Variants in NBPF8 observed in about 807,000 individuals in gnomAD.
The protein encoded by NBPF8 is NBPF member 8.
upstream of NBPF8, chr1:120,433,695 T>G (rs1660975896): frequency 3.6e-5 from 8 of 219,706 alleles, no homozygotes; most frequent in South Asian, 7.3e-4. Context: ...TTCATAACAT[T>G]ACTTGTCGAT....
At chr1:120,435,753 C>T (rs1201418790), upstream of NBPF8, among the ~76,000 whole-genome samples, 3 of 151,458 alleles carry the variant, frequency 2.0e-5, no homozygotes, top group Non-Finnish European at 4.4e-5. Context: ...GTATTCCCAG[C>T]TACTTGGGAG....
intron 11 of NBPF8, among the ~76,000 whole-genome samples, chr1:120,449,856 G>A (rs186739947): frequency 9.2e-5 from 14 of 152,298 alleles, no homozygotes; most frequent in Admixed American, 7.8e-4. Context: ...GGTGATAGTA[G>A]CCAGTACCTG....
intron 23 of NBPF8, among the ~76,000 whole-genome samples, chr1:120,464,749 T>C (rs1661698011): frequency 1.4e-5 from 2 of 145,744 alleles, no homozygotes; most frequent in African/African-American, 5.1e-5. Flanking sequence ...ACTCTCTTCC[T>C]AGTCTCAGGC....
intron 1 of NBPF8, among the ~76,000 whole-genome samples, chr1:120,421,099 C>T (rs1296617666): frequency 1.3e-5 from 2 of 151,234 alleles, no homozygotes; most frequent in Non-Finnish European, 2.9e-5. Context: ...TTCTGGGATC[C>T]ACTGTCTCAT....
At chr1:120,435,726 C>T (rs1298119197), upstream of NBPF8, among the ~76,000 whole-genome samples, 7 of 151,658 alleles carry the variant, frequency 4.6e-5, no homozygotes, top group East Asian at 7.8e-4. Context: ...ATTAGCCAGG[C>T]GTGGTGGCGG....
chr1:120,465,942 C>T, intron 24 of NBPF8, 36 bp from the exon 23 acceptor site: 1 of 1,611,244 alleles, frequency 6.2e-7, no homozygotes, highest in Non-Finnish European at 8.5e-7. Flanking sequence ...GTCTGATTTT[C>T]CCTGGCTGCT....
At chr1:120,460,608 G>C (rs1445340017) in exon 18 of NBPF8, 153 of 1,412,708 alleles carry the variant, frequency 1.1e-4, no homozygotes, top group Non-Finnish European at 1.4e-4. Flanking sequence ...GGAGGACCAA[G>C]AGGCAACAGG....
Position 120,452,109 on chromosome 1 carries a change from C to T in NBPF8, n.2075-8C>T. On this transcript the variant is annotated splice_polypyrimidine_tract_variant and splice_region_variant and intron_variant and non_coding_transcript_variant, in intron 12 of 24. Transcript: ENST00000583271. The stretch of plus-strand genomic sequence containing the variant: ...CACTCTTAAATTTTCTCTACCGTCT[C>T]ACCTTAGGCAATATAAAGTCCTGGT... 7 of 1,560,890 alleles carry T rather than the reference C, an allele frequency of 4.5e-6. No homozygotes were observed. The highest frequency in any genetic ancestry group is 6.2e-6 in the Non-Finnish European group (7 of 1,135,254).
chr1:120,467,951 A>AGT (rs1363238437), downstream of NBPF8, among the ~76,000 whole-genome samples: 26,524 of 150,690 alleles, frequency 0.18, 3,217 homozygotes, highest in East Asian at 0.65. Context: ...TGAGTGTGAG[A>AGT]GTGTGTGTGT....
At chr1:120,451,808 C>G (rs1349346060) in intron 12 of NBPF8, among the ~76,000 whole-genome samples, 2 of 149,706 alleles carry the variant, frequency 1.3e-5, no homozygotes, top group Non-Finnish European at 3.0e-5. Flanking sequence ...TGGAATTGTC[C>G]ATGGCCAGAG....
At chr1:120,415,179 C>T (rs1186547600), upstream of NBPF8, among the ~76,000 whole-genome samples, 11 of 152,128 alleles carry the variant, frequency 7.2e-5, no homozygotes, top group Admixed American at 4.6e-4. Flanking sequence ...GCGGGACGGG[C>T]GACCTGTGGC....
chr1:120,455,183 G>T (rs1324730964), intron 15 of NBPF8, among the ~76,000 whole-genome samples: 1 of 151,852 alleles, frequency 6.6e-6, no homozygotes, highest in African/African-American at 2.4e-5. Flanking sequence ...CAGGGAATAT[G>T]GCATTATGGT....
Position 120,428,316 on chromosome 1 carries a change from C to T in NBPF8, n.510+469C>T, listed in dbSNP as rs1254543548. On this transcript the variant is annotated intron_variant and non_coding_transcript_variant, in intron 3 of 28. Transcript: ENST00000652355. ...TAGACAAAGGTTTTTCAACTGGACGCCTTAGGATACATGCTTGCAAAAACA... is the reference window on the plus strand; with the variant it reads ...TAGACAAAGGTTTTTCAACTGGACGTCTTAGGATACATGCTTGCAAAAACA... Among the ~76,000 whole-genome samples, 57 of 152,232 alleles carry T rather than the reference C, an allele frequency of 3.7e-4. No individual in the cohort carries two copies. The South Asian group carries it at 0.011, about 28-fold the overall frequency.
chr1:120,455,140 T>G (rs1162008644), intron 15 of NBPF8, among the ~76,000 whole-genome samples: 3,919 of 151,312 alleles, frequency 0.026, 70 homozygotes, highest in East Asian at 0.082. Flanking sequence ...GAGATTTTTT[T>G]GGGGAAAAAA....
chr1:120,422,142 C>G (rs1660594738), intron 1 of NBPF8, among the ~76,000 whole-genome samples: 1 of 152,142 alleles, frequency 6.6e-6, no homozygotes, highest in South Asian at 2.1e-4. Context: ...GAGAGTTCTC[C>G]TAGGCTCCCC....
At chr1:120,463,098 G>A (rs1661637765) in intron 21 of NBPF8, 132 bp downstream of exon 19, 1 of 698,630 alleles carries the variant, frequency 1.4e-6, no homozygotes, top group Non-Finnish European at 2.6e-6. Flanking sequence ...GCGCATATAG[G>A]TTGTAATGAG....
In NBPF8 at chr1:120,464,564, T is replaced by G; in HGVS notation, n.3459+16T>G. 1 of 771,506 alleles carries G rather than the reference T, an allele frequency of 1.3e-6. No individual in the cohort carries two copies. The highest frequency in any genetic ancestry group is 2.4e-6 in the Non-Finnish European group (1 of 418,240). The allele number at this position is 771,506 out of a possible 1,614,324, so 47.8% of individuals were successfully genotyped here. On this transcript the variant is annotated intron_variant and non_coding_transcript_variant, in intron 23 of 24. Coordinates refer to ENST00000583271, the Ensembl canonical transcript of NBPF8. ...GACGTGGGAGGTGAGTACCTTTCTA[T>G]GAAGGTGATAAGGATCCACTGAGTC...
At chr1:120,455,263 T>C (rs1661403224) in intron 15 of NBPF8, 146 bp from the exon 14 acceptor site, 2 of 625,524 alleles carry the variant, frequency 3.2e-6, no homozygotes, top group Non-Finnish European at 5.6e-6. Context: ...CCAAAGTTAA[T>C]CTAGGACAAC....
At chr1:120,415,262 C>T (rs1230214251), upstream of NBPF8, among the ~76,000 whole-genome samples, 2 of 152,190 alleles carry the variant, frequency 1.3e-5, no homozygotes, top group Non-Finnish European at 2.9e-5. Flanking sequence ...CGAAGTCCAC[C>T]CAGCGTTTCC....
Sources: gnomAD v4.1 joint callset for allele counts (sites outside exome capture counted in the v4.1 genomes callset) on GRCh38, gnomAD v4.1.1 for gene constraint, MANE v1.5 for transcripts, NCBI Gene and HGNC (gene_info 2026-07-23, HGNC 2026-07-21) for gene names.